Variants in SDK1 observed in about 807,000 individuals in gnomAD.
The protein encoded by SDK1 is sidekick cell adhesion molecule 1.
In SDK1, 157 loss-of-function variants were observed where a neutral mutation model predicts 245.5. The observed-to-expected ratio is 0.64, with a 90% CI of 0.56 to 0.73. SDK1 has a LOEUF of 0.73. Ranked by LOEUF, SDK1 falls within the 30% of genes least tolerant of loss-of-function variation. The pLI is 0.00. For synonymous variants in SDK1, 1,647 were observed against 1,278.5 expected (o/e 1.29, Z -6.15); for missense variants, 3,583 against 3,002.3 (o/e 1.19, Z -4.52).
chr7:3,806,554 C>A (rs922458367), intron 4 of SDK1, among the ~76,000 whole-genome samples: 1 of 152,226 alleles, frequency 6.6e-6, no homozygotes, highest in African/African-American at 2.4e-5. Flanking sequence ...TTTTCTGTGG[C>A]CTTTGGTCCT....
intron 41 of SDK1, among the ~76,000 whole-genome samples, chr7:4,233,772 C>T (rs1785961443): frequency 6.6e-6 from 1 of 152,174 alleles, no homozygotes; most frequent in African/African-American, 2.4e-5. Flanking sequence ...CAGTGCCACC[C>T]ATCCTCCTGG....
chr7:4,014,346 G>A (rs1397543174), intron 16 of SDK1, among the ~76,000 whole-genome samples: 1 of 152,244 alleles, frequency 6.6e-6, no homozygotes, highest in Non-Finnish European at 1.5e-5. Context: ...GGGTGCTGGA[G>A]ATGAGGGCAT....
At chr7:3,820,954 G>C (rs1779629313) in intron 4 of SDK1, among the ~76,000 whole-genome samples, 1 of 152,240 alleles carries the variant, frequency 6.6e-6, no homozygotes, top group Non-Finnish European at 1.5e-5. Flanking sequence ...GGGCAGCACT[G>C]TGCCCATTGG....
chr7:4,048,420 G>A (rs73040480), intron 17 of SDK1, among the ~76,000 whole-genome samples: 15,873 of 152,070 alleles, frequency 0.1, 916 homozygotes, highest in Middle Eastern at 0.14. Context: ...GTCATCAGCC[G>A]TGCTGCTGGG....
At chr7:3,653,499 T>A (rs1322452129) in intron 4 of SDK1, among the ~76,000 whole-genome samples, 2 of 151,220 alleles carry the variant, frequency 1.3e-5, no homozygotes, top group East Asian at 3.9e-4. Context: ...AGTGTTAGAG[T>A]AGATGGTAAC....
chr7:3,446,195 T>C (rs1780336667), intron 1 of SDK1, among the ~76,000 whole-genome samples: 2 of 152,156 alleles, frequency 1.3e-5, no homozygotes, highest in Non-Finnish European at 2.9e-5. Context: ...TTGGTTATTG[T>C]AATTCAAGCA....
chr7:4,210,020 C>A lies in SDK1; in HGVS notation c.5402-5C>A. On this transcript the variant is annotated splice_polypyrimidine_tract_variant and splice_region_variant and intron_variant, in intron 37 of 44. Coordinates refer to ENST00000404826, the MANE Select transcript of SDK1 (RefSeq NM_152744.4). ...TAAAAGTCACTTTGTGTTCTATTCT[C>A]CCAGCCCCTGGGGCCCCCAGCTTTC... is the stretch of plus-strand genomic sequence containing the variant. 1 of 1,572,968 alleles carries A rather than the reference C, an allele frequency of 6.4e-7. No individual in the cohort carries two copies. The highest frequency in any genetic ancestry group is 8.6e-7 in the Non-Finnish European group (1 of 1,161,026).
At chr7:4,089,164 G>A (rs900332455) in intron 22 of SDK1, among the ~76,000 whole-genome samples, 2 of 151,974 alleles carry the variant, frequency 1.3e-5, no homozygotes, top group Admixed American at 6.6e-5. Flanking sequence ...GTGGAGGTGC[G>A]ACCCTCGTGG....
At chr7:3,514,857 C>T (rs1241221314) in intron 1 of SDK1, among the ~76,000 whole-genome samples, 1 of 152,190 alleles carries the variant, frequency 6.6e-6, no homozygotes, top group Non-Finnish European at 1.5e-5. Flanking sequence ...TTTGCCCCAT[C>T]ACGCGTGCAT....
intron 22 of SDK1, among the ~76,000 whole-genome samples, chr7:4,082,796 T>C (rs1010829432): frequency 1.3e-5 from 2 of 152,018 alleles, no homozygotes; most frequent in African/African-American, 4.8e-5. Flanking sequence ...ACTTTTTATA[T>C]TTTTGGTAGA....
At chr7:4,030,491 G>T (rs1787719124) in intron 17 of SDK1, among the ~76,000 whole-genome samples, 1 of 152,200 alleles carries the variant, frequency 6.6e-6, no homozygotes, top group Admixed American at 6.5e-5. Context: ...AGGCTTGGGT[G>T]AGGTGACAGG....
intron 1 of SDK1, among the ~76,000 whole-genome samples, chr7:3,346,644 C>A (rs1448226145): frequency 1.4e-5 from 2 of 142,058 alleles, no homozygotes; most frequent in African/African-American, 5.4e-5. Context: ...TTCTGCACCC[C>A]CACACCTGGC....
At chr7:3,675,987 A>C (rs1299140480) in intron 4 of SDK1, among the ~76,000 whole-genome samples, 1 of 152,062 alleles carries the variant, frequency 6.6e-6, no homozygotes, top group Non-Finnish European at 1.5e-5. Context: ...CCCATTCTGT[A>C]GGTTGTCTGT....
intron 5 of SDK1, among the ~76,000 whole-genome samples, chr7:3,912,774 G>A (rs184036768): frequency 1.3e-5 from 2 of 152,264 alleles, no homozygotes; most frequent in Non-Finnish European, 2.9e-5. Context: ...GGAAGAGGAA[G>A]GAGACCTAAG....
intron 38 of SDK1, 131 bp downstream of exon 38, chr7:4,210,293 T>G: frequency 9.8e-7 from 1 of 1,019,860 alleles, no homozygotes; most frequent in South Asian, 2.7e-5. Flanking sequence ...TGGGGGGTTT[T>G]GGAATCTGAG....
chr7:3,821,464 A>C lies in SDK1; in HGVS notation c.728A>C (p.Glu243Ala), dbSNP rs368143955. Reference protein sequence around the residue: ...IPSNRIAITLENQLVILATTT... With the variant: ...IPSNRIAITLANQLVILATTT... The stretch of plus-strand genomic sequence containing the variant: ...TTCTGAAACAGAGCCATCACATTGG[A>C]GAATCAGCTGGTGATCCTCGCCACC... The change falls in exon 5 of 45, where the codon GAG becomes GCG. Residue 243 changes from glutamate to alanine, a missense_variant. Physicochemically the swap from Glu to Ala is moderately radical, Grantham distance 107 (BLOSUM62 -1). Coordinates refer to ENST00000404826, the MANE Select transcript of SDK1 (RefSeq NM_152744.4). The C allele has an allele frequency of 8.7e-6, 14 of 1,613,394 alleles. No homozygotes were observed. The highest frequency in any genetic ancestry group is 1.2e-5 in the Non-Finnish European group (14 of 1,179,758).
At chr7:3,743,867 C>T (rs1450122505) in intron 4 of SDK1, among the ~76,000 whole-genome samples, 1 of 152,036 alleles carries the variant, frequency 6.6e-6, no homozygotes, top group African/African-American at 2.4e-5. Flanking sequence ...GCTATCTGCC[C>T]CCATGAATGG....
intron 38 of SDK1, among the ~76,000 whole-genome samples, chr7:4,219,675 G>A (rs755321784): frequency 6.6e-6 from 1 of 152,004 alleles, no homozygotes; most frequent in African/African-American, 2.4e-5. Context: ...CCCCTCCCTC[G>A]TGACTATGTC....
At chr7:3,686,307 C>T (rs1326747757) in intron 4 of SDK1, among the ~76,000 whole-genome samples, 1 of 152,280 alleles carries the variant, frequency 6.6e-6, no homozygotes, top group Admixed American at 6.5e-5. Context: ...AACTCCTGAC[C>T]TCGGGTGATC....
Sources: gnomAD v4.1 joint callset for allele counts (sites outside exome capture counted in the v4.1 genomes callset) on GRCh38, gnomAD v4.1.1 for gene constraint, MANE v1.5 for transcripts, NCBI Gene and HGNC (gene_info 2026-07-23, HGNC 2026-07-21) for gene names.